Variants in CPLX2 observed in about 807,000 individuals in gnomAD.
CPLX2 encodes complexin 2, also known as complexin-2.
In CPLX2, 5 loss-of-function variants were observed where a neutral mutation model predicts 16.3. That is an observed-to-expected ratio of 0.31 (90% CI 0.16 to 0.64). CPLX2 has a LOEUF of 0.64. Among genes scored for constraint, CPLX2 ranks in the 30% least tolerant of loss-of-function variants. The pLI, the probability that CPLX2 is intolerant of heterozygous loss-of-function variation, is 0.79. For synonymous variants in CPLX2, 89 were observed against 73.2 expected (o/e 1.22, Z -1.10); for missense variants, 144 against 181.4 (o/e 0.79, Z 1.18).
At chr5:175,833,661 G>A (rs1758771878) in intron 2 of CPLX2, among the ~76,000 whole-genome samples, 1 of 152,240 alleles carries the variant, frequency 6.6e-6, no homozygotes, top group South Asian at 2.1e-4. Context: ...CATCCACTGG[G>A]CAGGTATGGT....
At chr5:175,834,373 C>T (rs1000133001) in intron 2 of CPLX2, among the ~76,000 whole-genome samples, 1 of 152,132 alleles carries the variant, frequency 6.6e-6, no homozygotes, top group Non-Finnish European at 1.5e-5. Flanking sequence ...ATCCAGGGCC[C>T]GGGTGCCAGG....
At chr5:175,840,535 T>C (rs1157231582) in intron 2 of CPLX2, among the ~76,000 whole-genome samples, 1 of 152,246 alleles carries the variant, frequency 6.6e-6, no homozygotes. Context: ...TGTATCCCAT[T>C]CATTTTAAAA....
chr5:175,873,437 T>C (rs1277025554), intron 1 of CPLX2, among the ~76,000 whole-genome samples: 1 of 151,962 alleles, frequency 6.6e-6, no homozygotes, highest in African/African-American at 2.4e-5. Flanking sequence ...TAGCCAATTC[T>C]GGGGACAGGA....
At position 175,852,858 on chromosome 5, in the gene CPLX2, C is replaced by T. The variant is rs367993652; in HGVS notation, c.-88-25794C>T. On this transcript the variant is annotated intron_variant, in intron 2 of 4. Transcript: ENST00000359546. Reference sequence around the variant, plus strand: ...AAACCCAGGGAAGCATTGGCATCTCCGTGACTGTAGGTGGTTCTGTGGGTA... The same window carrying T: ...AAACCCAGGGAAGCATTGGCATCTCTGTGACTGTAGGTGGTTCTGTGGGTA... Among the ~76,000 whole-genome samples, 6 of 152,216 alleles carry T rather than the reference C, an allele frequency of 3.9e-5. No homozygotes were observed. The East Asian group carries it at 5.8e-4, about 15-fold the overall frequency.
intron 2 of CPLX2, among the ~76,000 whole-genome samples, chr5:175,865,467 C>G (rs1294867092): frequency 1.3e-5 from 2 of 152,206 alleles, no homozygotes; most frequent in Admixed American, 6.5e-5. Flanking sequence ...AGGGAAAAAG[C>G]TTTCCATTCC....
At chr5:175,833,358 C>T (rs141135077) in intron 2 of CPLX2, among the ~76,000 whole-genome samples, 1 of 152,122 alleles carries the variant, frequency 6.6e-6, no homozygotes, top group Non-Finnish European at 1.5e-5. Context: ...AGAGTACAGT[C>T]CCTGACCCCA....
chr5:175,824,357 T>C (rs962256060), intron 2 of CPLX2, among the ~76,000 whole-genome samples: 11 of 152,166 alleles, frequency 7.2e-5, no homozygotes, highest in African/African-American at 2.7e-4. Flanking sequence ...CAAGCAATAT[T>C]GTTAGGCAGG....
intron 1 of CPLX2, 113 bp from the exon 2 acceptor site, chr5:175,878,539 T>C: frequency 1.6e-6 from 1 of 626,782 alleles, no homozygotes; most frequent in Non-Finnish European, 2.9e-6. Context: ...GGTCTTGACC[T>C]CAGAGCGATG....
intron 1 of CPLX2, among the ~76,000 whole-genome samples, chr5:175,874,932 T>C (rs896092752): frequency 6.6e-6 from 1 of 152,080 alleles, no homozygotes; most frequent in Admixed American, 6.5e-5. Flanking sequence ...GAGTGCTGTG[T>C]CATGGAATTC....
At chr5:175,871,286 T>C (rs1581101597), upstream of CPLX2, among the ~76,000 whole-genome samples, 1 of 95,274 alleles carries the variant, frequency 1.0e-5, no homozygotes, top group Non-Finnish European at 2.1e-5. Context: ...CAGTGTAAGG[T>C]GGAGGAGAGA....
chr5:175,803,010 T>G (rs1014514780), intron 1 of CPLX2, among the ~76,000 whole-genome samples: 1 of 152,140 alleles, frequency 6.6e-6, no homozygotes, highest in Non-Finnish European at 1.5e-5. Context: ...TTTTGTATTT[T>G]TAGTAGAGAC....
intron 2 of CPLX2, among the ~76,000 whole-genome samples, chr5:175,820,916 C>A (rs552000119): frequency 2.6e-5 from 4 of 152,194 alleles, no homozygotes; most frequent in Non-Finnish European, 5.9e-5. Flanking sequence ...GAGGGACAGG[C>A]AGTCGGCCGC....
At chr5:175,818,412 A>C (rs909391207) in intron 2 of CPLX2, among the ~76,000 whole-genome samples, 6 of 152,144 alleles carry the variant, frequency 3.9e-5, no homozygotes, top group Non-Finnish European at 7.3e-5. Context: ...CCAGGCTAGG[A>C]GGAAGCCATG....
At chr5:175,858,394 G>A (rs191029788) in intron 2 of CPLX2, among the ~76,000 whole-genome samples, 173 of 152,364 alleles carry the variant, frequency 1.1e-3, no homozygotes, top group Admixed American at 4.0e-3. Flanking sequence ...TGAATGGTGA[G>A]CAGAAATGTG....
intron 1 of CPLX2, among the ~76,000 whole-genome samples, chr5:175,877,597 G>T (rs1755430444): frequency 6.6e-6 from 1 of 152,176 alleles, no homozygotes; most frequent in African/African-American, 2.4e-5. Flanking sequence ...CTCTACACTT[G>T]AAAAGAGATC....
At chr5:175,855,500 G>A (rs1369941021) in intron 2 of CPLX2, among the ~76,000 whole-genome samples, 2 of 152,194 alleles carry the variant, frequency 1.3e-5, no homozygotes, top group African/African-American at 2.4e-5. Context: ...TAACTGATAA[G>A]TTCAAGGGTA....
intron 1 of CPLX2, among the ~76,000 whole-genome samples, chr5:175,873,608 T>C (rs1759687158): frequency 2.0e-5 from 3 of 152,132 alleles, no homozygotes; most frequent in African/African-American, 4.8e-5. Flanking sequence ...TGCCCTCACA[T>C]CTTGCCAAGG....
chr5:175,860,540 GAT>G (rs1759349412), intron 2 of CPLX2, among the ~76,000 whole-genome samples: 1 of 18,990 alleles, frequency 5.3e-5, no homozygotes, highest in African/African-American at 2.8e-4. Context: ...AAGAAAGAAA[GAT>G]AGATAGAAAG....
intron 2 of CPLX2, among the ~76,000 whole-genome samples, chr5:175,828,349 G>A (rs781009598): frequency 2.0e-5 from 3 of 152,140 alleles, no homozygotes; most frequent in African/African-American, 4.8e-5. Context: ...AAGAAGACTC[G>A]GGGGCATGTG....
Sources: allele counts gnomAD v4.1 joint callset (sites outside exome capture counted in the v4.1 genomes callset), GRCh38; gene constraint gnomAD v4.1.1; transcripts MANE v1.5; gene names NCBI Gene and HGNC (gene_info 2026-07-23, HGNC 2026-07-21).